Variants in BPTF observed in about 807,000 individuals in gnomAD.
BPTF encodes the protein nucleosome-remodeling factor subunit BPTF.
BPTF carries 18 observed loss-of-function variants against 292.5 expected under a neutral mutation model. That is an observed-to-expected ratio of 0.06 (90% CI 0.04 to 0.09). The LOEUF is 0.09. BPTF is among the 10% of genes least tolerant of loss of function. The pLI is 1.00. For synonymous variants in BPTF, 1,225 were observed against 1,251.9 expected (o/e 0.98, Z 0.45); for missense variants, 2,726 against 3,498.7 (o/e 0.78, Z 5.57).
chr17:67,910,854 A>G (rs762571449), intron 10 of BPTF, 23 bp from the exon 11 acceptor site: 3 of 1,508,492 alleles, frequency 2.0e-6, no homozygotes, highest in Non-Finnish European at 1.8e-6. Context: ...AATTACATTT[A>G]TATAAATGTC....
rs782447683 is a variant in BPTF at position 67,959,623 on chromosome 17, G to GC, written c.8015dup (p.Val2673SerfsTer65). 2 of 1,585,108 alleles carry GC rather than the reference G, an allele frequency of 1.3e-6. No homozygotes were observed. Among genetic ancestry groups the GC allele is most frequent in the South Asian group, 1.2e-5 (1 of 86,552 alleles). ...CAGGCCACAGCAGTAGCTGCACCCT[G>GC]CCCCCCAGTGACACCAGCTCCTCCA... On this transcript the variant is annotated frameshift_variant, in exon 24 of 28. Transcript: ENST00000306378. LOFTEE classifies it high-confidence loss of function.
intron 4 of BPTF, among the ~76,000 whole-genome samples, chr17:67,881,860 T>TA (rs2060437804): frequency 3.0e-5 from 1 of 33,256 alleles, no homozygotes; most frequent in African/African-American, 2.2e-4. Context: ...GGGTTTTTGT[T>TA]TTTTTTTTTT....
At chr17:67,886,927 A>G (rs1432974718) in intron 4 of BPTF, among the ~76,000 whole-genome samples, 1 of 152,156 alleles carries the variant, frequency 6.6e-6, no homozygotes, top group African/African-American at 2.4e-5. Context: ...CATTATTACA[A>G]ATAGTGGTGC....
chr17:67,955,124 C>G (rs1196529186), intron 23 of BPTF, among the ~76,000 whole-genome samples: 1 of 151,662 alleles, frequency 6.6e-6, no homozygotes, highest in Non-Finnish European at 1.5e-5. Context: ...CTAGTCACTA[C>G]TAAAAAAAAT....
At chr17:67,909,865 C>T (rs1285613167) in intron 10 of BPTF, 104 bp downstream of exon 10, 2 of 957,884 alleles carry the variant, frequency 2.1e-6, no homozygotes, top group Non-Finnish European at 2.9e-6. Flanking sequence ...TTGATAACAG[C>T]TTTATCAAAA....
At chr17:67,924,733 A>C in intron 15 of BPTF, 144 bp downstream of exon 15, 3 of 809,450 alleles carry the variant, frequency 3.7e-6, no homozygotes, top group Non-Finnish European at 6.0e-6. Flanking sequence ...AAATTCATGC[A>C]CACCCATGCA....
intron 4 of BPTF, among the ~76,000 whole-genome samples, chr17:67,885,049 G>C (rs1428122052): frequency 6.6e-6 from 1 of 151,934 alleles, no homozygotes; most frequent in African/African-American, 2.4e-5. Context: ...ATTTTATCAG[G>C]TTGTCAGGTT....
At chr17:67,906,652 A>G (rs2062221587) in intron 9 of BPTF, among the ~76,000 whole-genome samples, 1 of 151,710 alleles carries the variant, frequency 6.6e-6, no homozygotes, top group Admixed American at 6.6e-5. Context: ...GTTTCTTTGC[A>G]CTCTCTTCTC....
At chr17:67,904,541 T>C (rs1359971007) in intron 8 of BPTF, among the ~76,000 whole-genome samples, 161 bp from the exon 9 acceptor site, 1 of 152,208 alleles carries the variant, frequency 6.6e-6, no homozygotes, top group African/African-American at 2.4e-5. Flanking sequence ...CTAAATTGAT[T>C]AGTAAATTTT....
In BPTF at chr17:67,910,507, A is replaced by G. The variant is rs1488979345; in HGVS notation, c.2993-370A>G. Among the ~76,000 whole-genome samples the G allele has an allele frequency of 5.3e-5, 8 of 152,290 alleles. No individual in the cohort carries two copies. In the East Asian group the frequency reaches 1.3e-3, roughly 26 times the overall value. On this transcript the variant is annotated intron_variant, in intron 10 of 27. Coordinates refer to ENST00000306378, the MANE Select transcript of BPTF (RefSeq NM_182641.4). ...TGCATGTGGCTAGAGATACTTTAAA[A>G]AAATATTTTTGGCTGGGCGTGGTGG...
chr17:67,924,702 A>G (rs562904365), intron 15 of BPTF, 113 bp downstream of exon 15: 2 of 1,179,366 alleles, frequency 1.7e-6, no homozygotes, highest in South Asian at 1.4e-5. Flanking sequence ...CCACTTGACA[A>G]CATACATACA....
Position 67,893,514 on chromosome 17 carries a change from T to C in BPTF, c.2200T>C (p.Phe734Leu). 1 of 1,614,158 alleles carries C rather than the reference T, an allele frequency of 6.2e-7. No homozygotes were observed. Among genetic ancestry groups the C allele is most frequent in the Non-Finnish European group, 8.5e-7 (1 of 1,179,998 alleles). The change falls in exon 6 of 28, where the codon TTT becomes CTT. Residue 734 changes from phenylalanine (F) to leucine (L), a missense_variant. Coordinates refer to ENST00000306378, the MANE Select transcript of BPTF (RefSeq NM_182641.4). ...VYHNQYSTNSFALNKHQHRED... is the reference protein window; with the variant it reads ...VYHNQYSTNSLALNKHQHRED... The stretch of plus-strand genomic sequence containing the variant: ...CCACAATCAATACTCCACCAATTCA[T>C]TTGCTTTGAATAAGCACCAGCACAG...
At chr17:67,932,439 C>T (rs1397240086) in intron 18 of BPTF, among the ~76,000 whole-genome samples, 1 of 152,228 alleles carries the variant, frequency 6.6e-6, no homozygotes, top group Non-Finnish European at 1.5e-5. Context: ...GTGACTCTCC[C>T]CTGTAATCCC....
At position 67,982,355 on chromosome 17, in the gene BPTF, G is replaced by A. The variant is rs2070523155; in HGVS notation, c.*67G>A. 1 of 1,449,744 alleles carries A rather than the reference G, an allele frequency of 6.9e-7. No homozygotes were observed. Among genetic ancestry groups the A allele is most frequent in the African/African-American group, 1.4e-5 (1 of 71,050 alleles). 89.8% of individuals were successfully genotyped at this position (1,449,744 alleles called of 1,614,324 possible). ...GGTTGTCTGAACTATTTTAAATTAA[G>A]GAGCCAGATGTTTTTAGTCAGGCTA... On this transcript the variant is annotated 3_prime_UTR_variant, in exon 28 of 28. Transcript: ENST00000306378.
At chr17:67,893,949 G>C in intron 6 of BPTF, 85 bp from the exon 7 acceptor site, 1 of 1,514,636 alleles carries the variant, frequency 6.6e-7, no homozygotes, top group Non-Finnish European at 9.0e-7. Flanking sequence ...CCTGGAATCA[G>C]ATGGAGGCCA....
At chr17:67,946,536 T>C (rs2065825900) in intron 21 of BPTF, among the ~76,000 whole-genome samples, 1 of 152,224 alleles carries the variant, frequency 6.6e-6, no homozygotes, top group Non-Finnish European at 1.5e-5. Context: ...TAGTCAGTGC[T>C]TATTAGGAAT....
At position 67,912,473 on chromosome 17, in the gene BPTF, A is replaced by T. The variant is rs2062719067; in HGVS notation, c.4589A>T (p.Gln1530Leu). 3 of 1,613,786 alleles carry T rather than the reference A, an allele frequency of 1.9e-6. No homozygotes were observed. Among genetic ancestry groups the T allele is most frequent in the Non-Finnish European group, 1.7e-6 (2 of 1,179,918 alleles). The change falls in exon 11 of 28, where the codon CAG (glutamine) becomes CTG (leucine). Residue 1530 changes from glutamine (Q) to leucine (L), a missense_variant. Coordinates refer to ENST00000306378, the MANE Select transcript of BPTF (RefSeq NM_182641.4). Reference sequence around the variant, plus strand: ...TGTCCAGAAAGCAATTCAGTTAATCAGGTAGAAGATATGGAAATAGAAACC... The same window carrying T: ...TGTCCAGAAAGCAATTCAGTTAATCTGGTAGAAGATATGGAAATAGAAACC... ...ASCPESNSVN[Q>L]VEDMEIETSE...
At chr17:67,903,263 T>G (rs569344269) in intron 7 of BPTF, among the ~76,000 whole-genome samples, 1 of 152,390 alleles carries the variant, frequency 6.6e-6, no homozygotes, top group South Asian at 2.1e-4. Context: ...TGTTTTTGTA[T>G]TCTTTGGTCT....
chr17:67,862,847 A>G (rs2059167103), intron 2 of BPTF, among the ~76,000 whole-genome samples: 1 of 138,536 alleles, frequency 7.2e-6, no homozygotes, highest in South Asian at 2.3e-4. Context: ...TCTAGCTTCT[A>G]GCACCCCAAG....
Sources: allele counts gnomAD v4.1 joint callset (sites outside exome capture counted in the v4.1 genomes callset), GRCh38; gene constraint gnomAD v4.1.1; transcripts MANE v1.5; gene names NCBI Gene and HGNC (gene_info 2026-07-23, HGNC 2026-07-21).